Variants in IDH3A observed in about 807,000 individuals in gnomAD.
The protein encoded by IDH3A is isocitrate dehydrogenase [NAD] subunit alpha, mitochondrial.
In IDH3A, 23 loss-of-function variants were observed where a neutral mutation model predicts 43.3. The observed-to-expected ratio is 0.53, with a 90% CI of 0.38 to 0.75. IDH3A has a LOEUF of 0.75. Ranked by LOEUF, IDH3A falls within the 30% of genes least tolerant of loss-of-function variation. IDH3A has a pLI of 0.00. For missense variants in IDH3A, 329 were observed against 474.4 expected, an observed-to-expected ratio of 0.69 and a Z score of 2.85; for synonymous variants, 154 against 163.5, an observed-to-expected ratio of 0.94 and a Z score of 0.44.
Position 78,161,543 on chromosome 15 carries a change from T to C in IDH3A, c.290-38T>C. 1 of 1,564,620 alleles carries C rather than the reference T, an allele frequency of 6.4e-7. No homozygotes were observed. Among genetic ancestry groups the C allele is most frequent in the Non-Finnish European group, 8.7e-7 (1 of 1,144,970 alleles). On this transcript the variant is annotated intron_variant, in intron 4 of 10. Transcript: ENST00000299518. This position sits in a 1 kb window ranked among gnomAD's most constrained non-coding sequence, Gnocchi z 4.8. Reference sequence around the variant, plus strand: ...AGTAGGTCACACGTGAGACCAGAATTCCTTCTAGTGTCATCTGGGTTTTCT... The same window carrying C: ...AGTAGGTCACACGTGAGACCAGAATCCCTTCTAGTGTCATCTGGGTTTTCT...
intron 2 of IDH3A, among the ~76,000 whole-genome samples, chr15:78,156,149 C>T (rs1371693297): frequency 6.6e-6 from 1 of 152,154 alleles, no homozygotes; most frequent in Non-Finnish European, 1.5e-5. Flanking sequence ...ATGGGGCTTG[C>T]ACTTCAAGCT....
intron 1 of IDH3A, chr15:78,151,289 G>A (rs11855354): frequency 0.54 from 82,351 of 152,018 alleles, 23,186 homozygotes; most frequent in African/African-American, 0.68. Context: ...TCCATTTCAG[G>A]TTGTGGCCAG....
chr15:78,165,420 A>T (rs1210055528), intron 9 of IDH3A, among the ~76,000 whole-genome samples: 2 of 151,936 alleles, frequency 1.3e-5, no homozygotes, highest in African/African-American at 2.4e-5. Flanking sequence ...TGAACTCCTG[A>T]TCTCAGATGA....
rs201720881 is a variant in IDH3A, at chr15:78,160,197, G to A, written c.280G>A (p.Gly94Ser). Residue 94 changes from glycine to serine, a missense_variant, in exon 4 of 11, where the codon GGC becomes AGC. Gly to Ser is a moderately conservative substitution (Grantham distance 56). Transcript: ENST00000299518. Reference sequence around the variant, plus strand: ...AGAGTCCATGGATAAGAACAAGATGGGCTTGAAAGGTAGCACTGAAGTAGA... The same window carrying A: ...AGAGTCCATGGATAAGAACAAGATGAGCTTGAAAGGTAGCACTGAAGTAGA... ...AKESMDKNKM[G>S]LKGPLKTPIA... is the part of the protein sequence containing the mutation. 12 of 1,581,406 alleles carry A rather than the reference G, an allele frequency of 7.6e-6. No individual in the cohort carries two copies. The highest frequency in any genetic ancestry group is 1.0e-5 in the Non-Finnish European group (12 of 1,150,188).
Position 78,168,956 on chromosome 15 carries a change from G to A in IDH3A, c.1052G>A (p.Cys351Tyr). The change falls in exon 11 of 11, where the codon TGC becomes TAC. Residue 351 changes from cysteine (C) to tyrosine (Y), a missense_variant. Transcript: ENST00000299518. ...AAAGATTTGGGAGGCAATGCAAAAT[G>A]CTCAGACTTCACAGAGGAAATCTGT... ...LTKDLGGNAK[C>Y]SDFTEEICRR... 6.2e-7 allele frequency: 1 copy of A among 1,603,914 alleles called. No individual in the cohort carries two copies. The highest frequency in any genetic ancestry group is 8.5e-7 in the Non-Finnish European group (1 of 1,171,766).
chr15:78,153,326 G>T (rs1248681054), intron 1 of IDH3A, among the ~76,000 whole-genome samples: 1 of 152,186 alleles, frequency 6.6e-6, no homozygotes, highest in Non-Finnish European at 1.5e-5. Flanking sequence ...TGGGTCTTCT[G>T]TCACAAGGAC....
In IDH3A at chr15:78,161,814, C is replaced by A; in HGVS notation, c.477+46C>A. Reference sequence around the variant, plus strand: ...TTTTTATTCCTGCTTGGACTGCTTTCTGTGCATCTGGGACCCCAGAGACAG... The same window carrying A: ...TTTTTATTCCTGCTTGGACTGCTTTATGTGCATCTGGGACCCCAGAGACAG... On this transcript the variant is annotated intron_variant, in intron 5 of 10. Transcript: ENST00000299518. This position sits in a 1 kb window ranked among gnomAD's most constrained non-coding sequence, Gnocchi z 4.8. The A allele has an allele frequency of 6.6e-7, 1 of 1,521,918 alleles. No individual in the cohort carries two copies. The highest frequency in any genetic ancestry group is 9.1e-7 in the Non-Finnish European group (1 of 1,099,612). 94.3% of individuals were successfully genotyped at this position (1,521,918 alleles called of 1,614,324 possible). A position where few individuals can be genotyped will look rare whatever the true frequency, so the allele number is the denominator to read the frequency against.
At chr15:78,152,404 A>C (rs1249908641) in intron 1 of IDH3A, among the ~76,000 whole-genome samples, 1 of 113,518 alleles carries the variant, frequency 8.8e-6, no homozygotes, top group African/African-American at 3.5e-5. Flanking sequence ...CTTGTCACCC[A>C]GGCTAGAGTG....
In IDH3A at chr15:78,155,355, T is replaced by C. The variant is rs2074615486; in HGVS notation, c.90+80T>C. 1.3e-5 allele frequency: 12 copies of C among 929,480 alleles called. No individual in the cohort carries two copies. In the South Asian group the frequency reaches 1.8e-4, roughly 14 times the overall value. The allele number at this position is 929,480 out of a possible 1,614,324, so 57.6% of individuals were successfully genotyped here. ...GCTCTAACATATTTATTATATAGCA[T>C]TTTATCTCCATTCATTTAGAATTTG... On this transcript the variant is annotated intron_variant, in intron 2 of 10. Coordinates refer to ENST00000299518, the MANE Select transcript of IDH3A (RefSeq NM_005530.3).
Position 78,149,382 on chromosome 15 carries a change from T to G in IDH3A, c.-22T>G. The stretch of plus-strand genomic sequence containing the variant: ...TGCGCACTGCCGCTGCGGCTGTTGC[T>G]GCGGAGCCAGGAGGGGAAGCGATGG... On this transcript the variant is annotated 5_prime_UTR_variant, in exon 1 of 11. Transcript: ENST00000299518. 3 of 1,536,374 alleles carry G rather than the reference T, an allele frequency of 2.0e-6. No individual in the cohort carries two copies. Among genetic ancestry groups the G allele is most frequent in the African/African-American group, 1.4e-5 (1 of 70,504 alleles).
At chr15:78,162,511 C>T in intron 6 of IDH3A, 144 bp downstream of exon 6, 1 of 784,690 alleles carries the variant, frequency 1.3e-6, no homozygotes, top group Non-Finnish European at 2.0e-6. Context: ...GATACGGCAT[C>T]TCTCTTCTGT....
intron 10 of IDH3A, among the ~76,000 whole-genome samples, chr15:78,166,641 A>AT (rs983633891): frequency 7.9e-5 from 12 of 151,924 alleles, no homozygotes; most frequent in Admixed American, 1.3e-4. Context: ...AAGTTCATTG[A>AT]TTTTTTTTGA....
intron 6 of IDH3A, 152 bp from the exon 7 acceptor site, chr15:78,163,352 TTTA>T: frequency 1.7e-6 from 1 of 579,794 alleles, no homozygotes; most frequent in Non-Finnish European, 3.1e-6. Flanking sequence ...CAGCTTATAT[TTTA>T]TTAACTACCT....
chr15:78,166,731 A>C lies in IDH3A; in HGVS notation c.1017+429A>C, dbSNP rs11638921. ...ACTGCAACCTGCACCTCCCGGGTTC[A>C]AGCAGTTCTCCTGCCTCAGCCTCCC... is the stretch of plus-strand genomic sequence containing the variant. On this transcript the variant is annotated intron_variant, in intron 10 of 10. Coordinates refer to ENST00000299518, the MANE Select transcript of IDH3A (RefSeq NM_005530.3). Among the ~76,000 whole-genome samples, 91 of 152,084 alleles carry C rather than the reference A, an allele frequency of 6.0e-4. 1 individual carries two copies. The highest frequency in any genetic ancestry group is 2.0e-3 in the African/African-American group (84 of 41,460).
In IDH3A at chr15:78,169,240, G is replaced by GT. The variant is rs959261685; in HGVS notation, c.*243dup. On this transcript the variant is annotated 3_prime_UTR_variant, in exon 11 of 11. Transcript: ENST00000299518. ...TTTATTAAGTGTCTACCTGGTAAAT[G>GT]TTTTTTTTGTAAACTCTGAGTGGAC... 2.4e-4 allele frequency: 79 copies of GT among 327,288 alleles called. No homozygotes were observed. Among genetic ancestry groups the GT allele is most frequent in the East Asian group, 7.5e-4 (16 of 21,284 alleles). 20.3% of individuals were successfully genotyped at this position (327,288 alleles called of 1,614,324 possible).
rs1312093022 is a variant in IDH3A at position 78,171,576 on chromosome 15, C to A, written c.*2571C>A. 1 of 1,501,288 alleles carries A rather than the reference C, an allele frequency of 6.7e-7. No individual in the cohort carries two copies. Among genetic ancestry groups the A allele is most frequent in the Admixed American group, 1.7e-5 (1 of 59,740 alleles). 93.0% of individuals were successfully genotyped at this position (1,501,288 alleles called of 1,614,324 possible). ...ATGAGTGAGGCCCAGGCTCTGAGAA[C>A]TCTGAGAATGTGTGTGGTAAAGACT... On this transcript the variant is annotated 3_prime_UTR_variant, in exon 11 of 11. Transcript: ENST00000299518.
chr15:78,157,704 C>A, intron 3 of IDH3A, 73 bp downstream of exon 3: 2 of 969,144 alleles, frequency 2.1e-6, no homozygotes, highest in Non-Finnish European at 3.3e-6. Context: ...ATTCTGTGAA[C>A]TTTTAGGATG....
intron 8 of IDH3A, among the ~76,000 whole-genome samples, chr15:78,164,517 A>G (rs1157878201): frequency 6.6e-6 from 1 of 151,930 alleles, no homozygotes; most frequent in African/African-American, 2.4e-5. Context: ...ACACCTGGCT[A>G]ATTTTTGTAT....
At chr15:78,149,902 G>T (rs1163812351) in intron 1 of IDH3A, among the ~76,000 whole-genome samples, 1 of 152,398 alleles carries the variant, frequency 6.6e-6, no homozygotes, top group East Asian at 1.9e-4. Context: ...GGAACCGCAG[G>T]TGCCACGGGC....
Sources: allele counts gnomAD v4.1 joint callset (sites outside exome capture counted in the v4.1 genomes callset), GRCh38; gene constraint gnomAD v4.1.1; non-coding constraint Gnocchi (gnomAD v3.1); transcripts MANE v1.5; gene names NCBI Gene and HGNC (gene_info 2026-07-23, HGNC 2026-07-21).